Variants in RFX8 observed in about 807,000 individuals in gnomAD.
RFX8 encodes regulatory factor X8, also known as DNA-binding protein RFX8.
RFX8 carries 46 observed loss-of-function variants against 54.6 expected under a neutral mutation model. That is an observed-to-expected ratio of 0.84 (90% CI 0.67 to 1.08). RFX8 has a LOEUF of 1.08. Among genes scored for constraint, RFX8 ranks in the 50% least tolerant of loss-of-function variants. The pLI is 0.00. For missense variants in RFX8, 536 were observed against 562.3 expected, an observed-to-expected ratio of 0.95 and a Z score of 0.47; for synonymous variants, 192 against 209.5, an observed-to-expected ratio of 0.92 and a Z score of 0.72.
At chr2:101,400,092 A>AT (rs1261230669) in intron 11 of RFX8, among the ~76,000 whole-genome samples, 2 of 152,198 alleles carry the variant, frequency 1.3e-5, no homozygotes. Flanking sequence ...GAAAAGATGC[A>AT]TTTAAACGCT....
chr2:101,455,619 C>T (rs1355757057), intron 2 of RFX8, among the ~76,000 whole-genome samples: 1 of 152,092 alleles, frequency 6.6e-6, no homozygotes, highest in East Asian at 1.9e-4. Flanking sequence ...GTTACTGTAG[C>T]CTTGTAGTAT....
intron 2 of RFX8, among the ~76,000 whole-genome samples, chr2:101,438,956 C>T (rs184848170): frequency 3.2e-4 from 48 of 152,152 alleles, no homozygotes; most frequent in Non-Finnish European, 4.4e-4. Context: ...GGATTACAGG[C>T]GCCCGCCACC....
intron 2 of RFX8, among the ~76,000 whole-genome samples, chr2:101,463,686 C>T (rs1275301999): frequency 3.9e-5 from 6 of 152,156 alleles, no homozygotes; most frequent in African/African-American, 4.8e-5. Flanking sequence ...ACACCACCAC[C>T]GGGAGACAGG....
At chr2:101,427,652 G>A (rs779237245) in intron 2 of RFX8, among the ~76,000 whole-genome samples, 12 of 152,090 alleles carry the variant, frequency 7.9e-5, no homozygotes, top group Admixed American at 4.6e-4. Flanking sequence ...AGTGGGAACC[G>A]CACTCTTCAG....
chr2:101,410,783 G>T, intron 8 of RFX8, 70 bp from the exon 9 acceptor site: 1 of 787,482 alleles, frequency 1.3e-6, no homozygotes, highest in Non-Finnish European at 2.1e-6. Context: ...AGGTATTTGT[G>T]TACTGGGTAA....
At chr2:101,450,589 C>T (rs1258467510) in intron 2 of RFX8, 1 of 1,435,048 alleles carries the variant, frequency 7.0e-7, no homozygotes, top group Non-Finnish European at 9.5e-7. Flanking sequence ...ATGATAGCTA[C>T]TAACCTGTGA....
chr2:101,398,533 C>A (rs189274306), intron 11 of RFX8, among the ~76,000 whole-genome samples: 26 of 152,142 alleles, frequency 1.7e-4, no homozygotes, highest in African/African-American at 6.3e-4. Context: ...TTCCCCCATC[C>A]GTCAAATAAA....
At chr2:101,464,439 C>T (rs941288977) in intron 2 of RFX8, among the ~76,000 whole-genome samples, 7 of 152,238 alleles carry the variant, frequency 4.6e-5, no homozygotes, top group African/African-American at 1.7e-4. Context: ...ATTCCAACAT[C>T]TGCACAGGAA....
At chr2:101,429,242 C>T (rs1358038879) in intron 2 of RFX8, among the ~76,000 whole-genome samples, 1 of 152,170 alleles carries the variant, frequency 6.6e-6, no homozygotes, top group African/African-American at 2.4e-5. Flanking sequence ...TTAAAGGTTT[C>T]TTTCCTTCAG....
chr2:101,469,408 C>G (rs919231200), intron 1 of RFX8, among the ~76,000 whole-genome samples: 7 of 151,998 alleles, frequency 4.6e-5, no homozygotes, highest in Non-Finnish European at 8.8e-5. Context: ...CCACCTTGGC[C>G]TTCCAAAGTG....
At chr2:101,451,458 C>A (rs774126696) in intron 2 of RFX8, among the ~76,000 whole-genome samples, 1 of 151,754 alleles carries the variant, frequency 6.6e-6, no homozygotes, top group Non-Finnish European at 1.5e-5. Flanking sequence ...GAGGCTGAGA[C>A]GGGTGGATCA....
chr2:101,428,834 A>T (rs181240747), intron 2 of RFX8: 1 of 652,298 alleles, frequency 1.5e-6, no homozygotes, highest in Non-Finnish European at 2.7e-6. Flanking sequence ...AGATGGGTGA[A>T]TGGTTAGGGG....
chr2:101,460,893 G>C (rs1165136356), intron 2 of RFX8, among the ~76,000 whole-genome samples: 3 of 151,762 alleles, frequency 2.0e-5, no homozygotes, highest in Admixed American at 2.0e-4. Context: ...AGCAGGGCAA[G>C]TTTGACACAA....
chr2:101,422,187 C>T (rs1386562992), intron 3 of RFX8, among the ~76,000 whole-genome samples, 175 bp downstream of exon 3: 1 of 152,130 alleles, frequency 6.6e-6, no homozygotes, highest in East Asian at 1.9e-4. Flanking sequence ...GATAGGGAAC[C>T]CTGAACTTGC....
chr2:101,445,834 A>T (rs574563241), intron 2 of RFX8, among the ~76,000 whole-genome samples: 1 of 152,176 alleles, frequency 6.6e-6, no homozygotes, highest in East Asian at 1.9e-4. Context: ...GGCCTGACTT[A>T]TTGTAGGAAC....
chr2:101,434,306 C>T (rs1466474557), intron 2 of RFX8, among the ~76,000 whole-genome samples: 2 of 152,158 alleles, frequency 1.3e-5, no homozygotes, highest in East Asian at 3.8e-4. Flanking sequence ...AACAATCTTT[C>T]TTTAAAATCT....
intron 2 of RFX8, among the ~76,000 whole-genome samples, chr2:101,462,922 G>T (rs1689359931): frequency 6.6e-6 from 1 of 152,124 alleles, no homozygotes; most frequent in African/African-American, 2.4e-5. Flanking sequence ...TTTCTCAAAA[G>T]GATTCTTTAT....
chr2:101,451,565 T>C (rs546409756), intron 2 of RFX8, among the ~76,000 whole-genome samples: 1 of 151,186 alleles, frequency 6.6e-6, no homozygotes, highest in African/African-American at 2.4e-5. Context: ...GGCAGGCGCC[T>C]GTAATCCCAG....
intron 2 of RFX8, among the ~76,000 whole-genome samples, chr2:101,463,270 G>A (rs998801532): frequency 6.6e-6 from 1 of 152,232 alleles, no homozygotes; most frequent in Non-Finnish European, 1.5e-5. Flanking sequence ...CCACAACGAG[G>A]TAGAGAGGAG....
Sources: allele counts gnomAD v4.1 joint callset (sites outside exome capture counted in the v4.1 genomes callset), GRCh38; gene constraint gnomAD v4.1.1; transcripts MANE v1.5; gene names NCBI Gene and HGNC (gene_info 2026-07-23, HGNC 2026-07-21).